The following ITPR1 variants were observed in gnomAD, a reference collection of about 807,000 sequenced individuals.
ITPR1 encodes inositol 1,4,5-trisphosphate receptor type 1, also known as inositol 1,4,5-trisphosphate-gated calcium channel ITPR1.
A neutral mutation model predicts 318.4 loss-of-function variants in ITPR1; 96 were observed. The ratio of observed to expected loss-of-function variants is 0.30; its 90% CI spans 0.26 to 0.36. ITPR1 has a LOEUF of 0.36. Ranked by LOEUF, ITPR1 falls within the 10% of genes least tolerant of loss-of-function variation. The probability of loss-of-function intolerance (pLI) is 1.00; values close to 1 mark genes in which losing one functional copy is unlikely to be tolerated. For missense variants in ITPR1, 2,440 were observed against 3,460.2 expected (o/e 0.71, Z 7.40); for synonymous variants, 1,312 against 1,289.9 (o/e 1.02, Z -0.37).
intron 4 of ITPR1, among the ~76,000 whole-genome samples, chr3:4,607,648 G>C (rs989918864): frequency 6.6e-6 from 1 of 152,154 alleles, no homozygotes; most frequent in East Asian, 1.9e-4. Flanking sequence ...GGGAAAGGTG[G>C]GGGTGGCAGG....
chr3:4,529,114 T>G (rs925875554), intron 4 of ITPR1, among the ~76,000 whole-genome samples: 1 of 152,136 alleles, frequency 6.6e-6, no homozygotes, highest in Non-Finnish European at 1.5e-5. Flanking sequence ...ACCCTGAAAA[T>G]GAGCATAAGG....
At chr3:4,819,263 G>C (rs1191580586) in intron 60 of ITPR1, among the ~76,000 whole-genome samples, 3 of 152,222 alleles carry the variant, frequency 2.0e-5, no homozygotes, top group Admixed American at 6.5e-5. Flanking sequence ...CGATTACAGA[G>C]GCACAGAGGC....
At chr3:4,579,980 A>G (rs1381002711) in intron 4 of ITPR1, among the ~76,000 whole-genome samples, 3 of 152,104 alleles carry the variant, frequency 2.0e-5, no homozygotes, top group African/African-American at 7.2e-5. Flanking sequence ...GGAGGCCGAG[A>G]CGGGTGGATC....
chr3:4,625,549 C>A (rs759164484), intron 4 of ITPR1, among the ~76,000 whole-genome samples: 3 of 151,774 alleles, frequency 2.0e-5, no homozygotes, highest in Non-Finnish European at 4.4e-5. Context: ...ACTTCAAGTT[C>A]GTTAATTTTT....
At chr3:4,590,274 G>C (rs563902146) in intron 4 of ITPR1, among the ~76,000 whole-genome samples, 1 of 144,644 alleles carries the variant, frequency 6.9e-6, no homozygotes, top group Non-Finnish European at 1.5e-5. Flanking sequence ...TTTCTCTGTA[G>C]AATTTAAGTT....
At chr3:4,496,371 T>C (rs542817116) in intron 2 of ITPR1, among the ~76,000 whole-genome samples, 1 of 152,322 alleles carries the variant, frequency 6.6e-6, no homozygotes, top group East Asian at 1.9e-4. Context: ...ATCTGCTCTT[T>C]GAATAATTCA....
rs367806130 is a variant in ITPR1 at position 4,667,368 on chromosome 3, C to A, written c.1714-9C>A. The stretch of plus-strand genomic sequence containing the variant: ...TTCCTACTGACGTCTCTTTTCTCTC[C>A]TTATAAAGGAGTATATAGCCAAGCA... On this transcript the variant is annotated splice_polypyrimidine_tract_variant and intron_variant, in intron 17 of 61. Transcript: ENST00000649015. The A allele has an allele frequency of 6.2e-5, 99 of 1,593,758 alleles. No homozygotes were observed. Among genetic ancestry groups the A allele is most frequent in the Non-Finnish European group, 7.8e-5 (91 of 1,168,888 alleles).
At chr3:4,509,138 T>C (rs1353487361) in intron 2 of ITPR1, among the ~76,000 whole-genome samples, 1 of 152,244 alleles carries the variant, frequency 6.6e-6, no homozygotes, top group African/African-American at 2.4e-5. Flanking sequence ...CTCCTCACAA[T>C]GACCCTGAGA....
At chr3:4,669,581 A>C in intron 18 of ITPR1, 73 bp from the exon 19 acceptor site, 5 of 1,469,350 alleles carry the variant, frequency 3.4e-6, no homozygotes, top group Non-Finnish European at 4.6e-6. Flanking sequence ...TGTGCACTTA[A>C]GGAAGAATTG....
At chr3:4,764,187 C>T (rs111490784) in intron 44 of ITPR1, among the ~76,000 whole-genome samples, 4,424 of 152,220 alleles carry the variant, frequency 0.029, 88 homozygotes, top group South Asian at 0.063. Context: ...TTTTTGTCTC[C>T]TTTATTGACC....
At chr3:4,698,790 C>G (rs1408879092) in intron 34 of ITPR1, among the ~76,000 whole-genome samples, 1 of 152,128 alleles carries the variant, frequency 6.6e-6, no homozygotes, top group East Asian at 1.9e-4. Flanking sequence ...TTATGTCATT[C>G]ATTCTTTTCA....
chr3:4,497,599 A>G (rs2080693260), intron 2 of ITPR1, among the ~76,000 whole-genome samples: 1 of 152,320 alleles, frequency 6.6e-6, no homozygotes, highest in East Asian at 1.9e-4. Context: ...TCCCTTGTGC[A>G]TTGCCGGTGG....
At chr3:4,818,341 T>C (rs1431592582) in intron 60 of ITPR1, 99 bp downstream of exon 60, 1 of 935,656 alleles carries the variant, frequency 1.1e-6, no homozygotes, top group Non-Finnish European at 1.6e-6. Context: ...AACAGAAGAA[T>C]AACATCCGAT....
At chr3:4,617,130 C>A (rs2092418615) in intron 4 of ITPR1, among the ~76,000 whole-genome samples, 1 of 152,114 alleles carries the variant, frequency 6.6e-6, no homozygotes, top group Non-Finnish European at 1.5e-5. Context: ...AGTTGCCACT[C>A]ACAGTAGTGG....
intron 40 of ITPR1, among the ~76,000 whole-genome samples, chr3:4,720,459 C>T (rs187629490): frequency 4.6e-4 from 70 of 152,286 alleles, no homozygotes; most frequent in Non-Finnish European, 7.8e-4. Context: ...GCGAAGTACT[C>T]CCGAGGTGGT....
chr3:4,671,706 T>G (rs1031439860), intron 20 of ITPR1: 1 of 152,186 alleles, frequency 6.6e-6, no homozygotes, highest in Admixed American at 6.5e-5. Flanking sequence ...ATTAATACTT[T>G]TAAAAGAAAA....
At position 4,783,939 on chromosome 3, in the gene ITPR1, C is replaced by T; in HGVS notation, c.6615+19C>T. The T allele has an allele frequency of 6.4e-6, 10 of 1,553,920 alleles. No homozygotes were observed. Among genetic ancestry groups the T allele is most frequent in the Non-Finnish European group, 8.8e-6 (10 of 1,138,058 alleles). Reference sequence around the variant, plus strand: ...GATAGAGGTAAAAGCTGAGTAAACTCAGGGCATGGGGTTGTGTTGAGGCCA... The same window carrying T: ...GATAGAGGTAAAAGCTGAGTAAACTTAGGGCATGGGGTTGTGTTGAGGCCA... On this transcript the variant is annotated intron_variant, in intron 51 of 61. Transcript: ENST00000649015.
rs147331734 is a variant in ITPR1 at position 4,819,487 on chromosome 3, C to T, written c.8028+1245C>T. ...CCAGGAGATGCCGAAGCTGCTGGCCCGGGAATCACCCTTTAAGTAGTAAGA... is the reference window on the plus strand; with the variant it reads ...CCAGGAGATGCCGAAGCTGCTGGCCTGGGAATCACCCTTTAAGTAGTAAGA... On this transcript the variant is annotated intron_variant, in intron 60 of 61. Transcript: ENST00000649015. Among the ~76,000 whole-genome samples the T allele has an allele frequency of 8.3e-3, 1,263 of 152,244 alleles. 20 individuals carry two copies. The highest frequency in any genetic ancestry group is 0.028 in the African/African-American group (1,166 of 41,536).
intron 4 of ITPR1, among the ~76,000 whole-genome samples, chr3:4,608,134 C>A (rs2125093696): frequency 6.6e-6 from 1 of 152,258 alleles, no homozygotes; most frequent in South Asian, 2.1e-4. Flanking sequence ...AGATCAGATC[C>A]TCCCCACTGC....
Sources: gnomAD v4.1 joint callset for allele counts (sites outside exome capture counted in the v4.1 genomes callset) on GRCh38, gnomAD v4.1.1 for gene constraint, MANE v1.5 for transcripts, NCBI Gene and HGNC (gene_info 2026-07-23, HGNC 2026-07-21) for gene names.